Variants in PCDHB13 observed in about 807,000 individuals in gnomAD.
The protein encoded by PCDHB13 is protocadherin beta 13, also known as protocadherin beta-13.
For synonymous variants in PCDHB13, 515 were observed against 450.7 expected, an observed-to-expected ratio of 1.14 and a Z score of -1.81; for missense variants, 1,065 against 1,016.7, an observed-to-expected ratio of 1.05 and a Z score of -0.65.
chr5:141,214,783 T>C lies in PCDHB13; in HGVS notation c.660T>C (p.Ser220=). The C allele has an allele frequency of 2.5e-6, 4 of 1,614,200 alleles. No individual in the cohort carries two copies. Among genetic ancestry groups the C allele is most frequent in the Non-Finnish European group, 3.4e-6 (4 of 1,180,030 alleles). Residue 220 remains serine, a synonymous_variant, in exon 1 of 1, where the codon TCT becomes TCC. Coordinates refer to ENST00000341948, the MANE Select transcript of PCDHB13 (RefSeq NM_018933.4). The part of the protein sequence containing the change: ...RLTLTALDGG[S]PPRSGTAQVY... The stretch of plus-strand genomic sequence containing the variant: ...CACTCACAGCACTGGATGGTGGCTC[T>C]CCGCCCAGATCTGGCACTGCTCAGG...
At position 141,215,124 on chromosome 5, in the gene PCDHB13, T is replaced by C; in HGVS notation, c.1001T>C (p.Val334Ala). ...GGAACCTTTTCTGGAAAATGCACCGTTCTGATTCAAGTGATAGATGTGAAC... is the reference window on the plus strand; with the variant it reads ...GGAACCTTTTCTGGAAAATGCACCGCTCTGATTCAAGTGATAGATGTGAAC... The part of the protein sequence containing the change: ...DAGTFSGKCT[V>A]LIQVIDVNDH... Residue 334 changes from valine to alanine, a missense_variant, in exon 1 of 1, where the codon GTT becomes GCT. Coordinates refer to ENST00000341948, the MANE Select transcript of PCDHB13 (RefSeq NM_018933.4). 1 of 1,614,136 alleles carries C rather than the reference T, an allele frequency of 6.2e-7. No homozygotes were observed. The highest frequency in any genetic ancestry group is 8.5e-7 in the Non-Finnish European group (1 of 1,180,034).
At position 141,216,509 on chromosome 5, in the gene PCDHB13, A is replaced by G. The variant is rs782778290; in HGVS notation, c.2386A>G (p.Asn796Asp). The G allele has an allele frequency of 1.2e-6, 2 of 1,611,850 alleles. No individual in the cohort carries two copies. Among genetic ancestry groups the G allele is most frequent in the Non-Finnish European group, 1.7e-6 (2 of 1,178,200 alleles). ...TACCTTCCCCAATAACTTTGGGTTCAATATTCAGTGACCATAGTTGACTTT... is the reference window on the plus strand; with the variant it reads ...TACCTTCCCCAATAACTTTGGGTTCGATATTCAGTGACCATAGTTGACTTT... Reference protein sequence around the residue: ...NSTFPNNFGFNIQ With the variant: ...NSTFPNNFGFDIQ Residue 796 changes from asparagine to aspartate, a missense_variant, in exon 1 of 1, where the codon AAT becomes GAT. Asn to Asp is a conservative substitution (Grantham distance 23). Transcript: ENST00000341948.
rs1554287810 is a variant in PCDHB13 at position 141,215,173 on chromosome 5, G to A, written c.1050G>A (p.Met350Ile). 6.2e-7 allele frequency: 1 copy of A among 1,614,046 alleles called. No individual in the cohort carries two copies. The highest frequency in any genetic ancestry group is 8.5e-7 in the Non-Finnish European group (1 of 1,180,046). The change falls in exon 1 of 1, where the codon ATG becomes ATA. Residue 350 changes from methionine (M) to isoleucine (I), a missense_variant. Met to Ile is a conservative substitution (Grantham distance 10, BLOSUM62 1). Transcript: ENST00000341948. Reference sequence around the variant, plus strand: ...ACGACCATGCCCCAGAAGTTACCATGTCTGCATTTACCAGCCCAATACCTG... The same window carrying A: ...ACGACCATGCCCCAGAAGTTACCATATCTGCATTTACCAGCCCAATACCTG... Reference protein sequence around the residue: ...DVNDHAPEVTMSAFTSPIPEN... With the variant: ...DVNDHAPEVTISAFTSPIPEN...
In PCDHB13 at chr5:141,215,418, T is replaced by G. The variant is rs1554287899; in HGVS notation, c.1295T>G (p.Ile432Arg). 6.2e-7 allele frequency: 1 copy of G among 1,614,202 alleles called. No individual in the cohort carries two copies. The change falls in exon 1 of 1, where the codon ATA (isoleucine) becomes AGA (arginine). Residue 432 changes from isoleucine (I) to arginine (R), a missense_variant. Ile to Arg is a moderately conservative substitution (Grantham distance 97). Coordinates refer to ENST00000341948, the MANE Select transcript of PCDHB13 (RefSeq NM_018933.4). ...TVTDLGTPML[I>R]TQLNMTVLIA... is the part of the protein sequence containing the mutation. ...ACTGACTTGGGGACCCCTATGCTGA[T>G]AACACAGCTCAATATGACCGTGCTG...
Position 141,217,458 on chromosome 5 carries a change from A to T in PCDHB13, c.*938A>T, listed in dbSNP as rs1554288316. The T allele has an allele frequency of 6.0e-6, 1 of 167,042 alleles. No individual in the cohort carries two copies. Among genetic ancestry groups the T allele is most frequent in the African/African-American group, 2.4e-5 (1 of 41,394 alleles). 10.3% of individuals were successfully genotyped at this position (167,042 alleles called of 1,614,324 possible). Reference sequence around the variant, plus strand: ...TATGACATAATTTGAAATTACCTATATATTTCATTCTATTCAATTTTCAAA... The same window carrying T: ...TATGACATAATTTGAAATTACCTATTTATTTCATTCTATTCAATTTTCAAA... On this transcript the variant is annotated 3_prime_UTR_variant, in exon 1 of 1. Transcript: ENST00000341948.
rs1231650735 is a variant in PCDHB13, at chr5:141,215,599, G to C, written c.1476G>C (p.Pro492=). Reference sequence around the variant, plus strand: ...CCCAGGTCACCTACTCGCTGCTGCCGCCCCAGGACCCGCACCTGCCCCTCA... The same window carrying C: ...CCCAGGTCACCTACTCGCTGCTGCCCCCCCAGGACCCGCACCTGCCCCTCA... ...TNAQVTYSLL[P]PQDPHLPLTS... The change falls in exon 1 of 1, where the codon CCG becomes CCC. Residue 492 remains proline, a synonymous_variant. Transcript: ENST00000341948. The C allele has an allele frequency of 1.2e-6, 2 of 1,612,132 alleles. No individual in the cohort carries two copies. The highest frequency in any genetic ancestry group is 2.7e-5 in the African/African-American group (2 of 74,898).
chr5:141,214,879 C>T lies in PCDHB13; in HGVS notation c.756C>T (p.Ile252=), dbSNP rs782791707. The change falls in exon 1 of 1, where the codon ATC becomes ATT. Residue 252 remains isoleucine, a synonymous_variant. Transcript: ENST00000341948. ...EFEQPFYRVQ[I]SEDSPVGFLV... is the part of the protein sequence containing the mutation. The stretch of plus-strand genomic sequence containing the variant: ...AGCAGCCTTTCTATAGAGTGCAGAT[C>T]TCTGAGGACAGTCCGGTAGGCTTCC... 3 of 1,614,200 alleles carry T rather than the reference C, an allele frequency of 1.9e-6. No individual in the cohort carries two copies. Among genetic ancestry groups the T allele is most frequent in the Non-Finnish European group, 2.5e-6 (3 of 1,180,024 alleles).
In PCDHB13 at chr5:141,216,994, A is replaced by G. The variant is rs1301447726; in HGVS notation, c.*474A>G. ...CCTTTAAATATGCTTTTTGCTTTCA[A>G]AAATAAACCAGAAAACCTATATCCT... On this transcript the variant is annotated 3_prime_UTR_variant, in exon 1 of 1. Transcript: ENST00000341948. 4.0e-6 allele frequency: 1 copy of G among 251,482 alleles called. No individual in the cohort carries two copies. Among genetic ancestry groups the G allele is most frequent in the African/African-American group, 2.4e-5 (1 of 42,068 alleles). 15.6% of individuals were successfully genotyped at this position (251,482 alleles called of 1,614,324 possible). A position where few individuals can be genotyped will look rare whatever the true frequency, so the allele number is the denominator to read the frequency against.
Position 141,216,284 on chromosome 5 carries a change from T to C in PCDHB13, c.2161T>C (p.Ser721Pro). Residue 721 changes from serine to proline, a missense_variant, in exon 1 of 1, where the codon TCG (serine) becomes CCG (proline). By Grantham distance (74) the Ser-to-Pro change is moderately conservative. Coordinates refer to ENST00000341948, the MANE Select transcript of PCDHB13 (RefSeq NM_018933.4). Reference sequence around the variant, plus strand: ...GCTGTGTAGGAGGAGCAGGGCGGCCTCGGTGGGTCGCTGCTTGGTGCCCGA... The same window carrying C: ...GCTGTGTAGGAGGAGCAGGGCGGCCCCGGTGGGTCGCTGCTTGGTGCCCGA... Reference protein sequence around the residue: ...VRLCRRSRAASVGRCLVPEGP... With the variant: ...VRLCRRSRAAPVGRCLVPEGP... 6.2e-7 allele frequency: 1 copy of C among 1,613,980 alleles called. No homozygotes were observed. Among genetic ancestry groups the C allele is most frequent in the Non-Finnish European group, 8.5e-7 (1 of 1,180,028 alleles).
chr5:141,215,017 G>T lies in PCDHB13; in HGVS notation c.894G>T (p.Leu298Phe). ...EIGKTFKINP[L>F]TGEIELKKQL... ...GCAAAACCTTTAAGATCAATCCCTTGACAGGAGAAATTGAACTAAAAAAAC... is the reference window on the plus strand; with the variant it reads ...GCAAAACCTTTAAGATCAATCCCTTTACAGGAGAAATTGAACTAAAAAAAC... Residue 298 changes from leucine to phenylalanine, a missense_variant, in exon 1 of 1, where the codon TTG becomes TTT. Transcript: ENST00000341948. 1 of 1,614,104 alleles carries T rather than the reference G, an allele frequency of 6.2e-7. No individual in the cohort carries two copies. The highest frequency in any genetic ancestry group is 8.5e-7 in the Non-Finnish European group (1 of 1,180,028).
In PCDHB13 at chr5:141,214,950, G is replaced by A. The variant is rs1485024330; in HGVS notation, c.827G>A (p.Gly276Glu). The change falls in exon 1 of 1, where the codon GGA (glycine) becomes GAA (glutamate). Residue 276 changes from glycine to glutamate, a missense_variant. Coordinates refer to ENST00000341948, the MANE Select transcript of PCDHB13 (RefSeq NM_018933.4). ...SATDVDTGVNGEISYSLFQAS... is the reference protein window; with the variant it reads ...SATDVDTGVNEEISYSLFQAS... ...ACGGATGTAGACACAGGAGTCAACG[G>A]AGAGATTTCCTATTCACTTTTCCAA... The A allele has an allele frequency of 1.9e-6, 3 of 1,614,034 alleles. No homozygotes were observed. Among genetic ancestry groups the A allele is most frequent in the South Asian group, 1.1e-5 (1 of 91,084 alleles).
chr5:141,215,994 T>G lies in PCDHB13; in HGVS notation c.1871T>G (p.Val624Gly), dbSNP rs781939196. The G allele has an allele frequency of 7.2e-5, 115 of 1,606,810 alleles. 1 individual carries two copies. Among genetic ancestry groups the G allele is most frequent in the South Asian group, 2.4e-4 (22 of 90,924 alleles). ...GGCGTGTGGGCGCACAATGGCGAGG[T>G]GCGCACCGCCAGGCTGCTGAGCGAG... The part of the protein sequence containing the change: ...LFGVWAHNGE[V>G]RTARLLSERD... Residue 624 changes from valine to glycine, a missense_variant, in exon 1 of 1, where the codon GTG becomes GGG. Physicochemically the swap from Val to Gly is moderately radical, Grantham distance 109 (BLOSUM62 -3). Transcript: ENST00000341948.
chr5:141,214,704 A>G lies in PCDHB13; in HGVS notation c.581A>G (p.Glu194Gly). ...CGCAGTGATGGCAGGAAATACCCAG[A>G]GCTGGTGCTGGACAAAGCGCTGGAC... ...RKRSDGRKYP[E>G]LVLDKALDRE... Residue 194 changes from glutamate (E) to glycine (G), a missense_variant, in exon 1 of 1, where the codon GAG becomes GGG. Transcript: ENST00000341948. 6.2e-7 allele frequency: 1 copy of G among 1,614,100 alleles called. No individual in the cohort carries two copies. The highest frequency in any genetic ancestry group is 8.5e-7 in the Non-Finnish European group (1 of 1,179,980).
In PCDHB13 at chr5:141,214,371, C is replaced by T. The variant is rs781880624; in HGVS notation, c.248C>T (p.Ala83Val). The change falls in exon 1 of 1, where the codon GCG becomes GTG. Residue 83 changes from alanine to valine, a missense_variant. By Grantham distance (64) the Ala-to-Val change is moderately conservative. Transcript: ENST00000341948. The part of the protein sequence containing the change: ...KLHLQLNQET[A>V]DLLLNEKLDR... ...CATTTGCAGCTCAATCAGGAGACCG[C>T]GGATTTGTTGCTAAATGAGAAATTG... 4.3e-6 allele frequency: 6 copies of T among 1,390,984 alleles called. No homozygotes were observed. Among genetic ancestry groups the T allele is most frequent in the South Asian group, 3.6e-5 (3 of 84,204 alleles). 86.2% of individuals were successfully genotyped at this position (1,390,984 alleles called of 1,614,324 possible).
Position 141,216,616 on chromosome 5 carries a change from G to A in PCDHB13, c.*96G>A. On this transcript the variant is annotated 3_prime_UTR_variant, in exon 1 of 1. Coordinates refer to ENST00000341948, the MANE Select transcript of PCDHB13 (RefSeq NM_018933.4). Reference sequence around the variant, plus strand: ...AATTTGTGTGTATGTAATATTGTACGGATTTACTCTTGATTTTTCTCATGT... The same window carrying A: ...AATTTGTGTGTATGTAATATTGTACAGATTTACTCTTGATTTTTCTCATGT... The A allele has an allele frequency of 9.5e-7, 1 of 1,050,352 alleles. No individual in the cohort carries two copies. Among genetic ancestry groups the A allele is most frequent in the Non-Finnish European group, 1.5e-6 (1 of 665,858 alleles). 65.1% of individuals were successfully genotyped at this position (1,050,352 alleles called of 1,614,324 possible).
rs2910331 is a variant in PCDHB13 at position 141,215,803 on chromosome 5, C to T, written c.1680C>T (p.Phe560=). ...TGGACGCCAACGACAACTCGCCCTT[C>T]GTGCTGTACCCGCTGCAGAACGGCT... The part of the protein sequence containing the change: ...VVLDANDNSP[F]VLYPLQNGSA... The change falls in exon 1 of 1, where the codon TTC becomes TTT. Residue 560 remains phenylalanine, a synonymous_variant. Transcript: ENST00000341948. 295,788 of 1,611,188 alleles carry T rather than the reference C, an allele frequency of 0.18. 28,072 individuals carry two copies. Among genetic ancestry groups the T allele is most frequent in the African/African-American group, 0.26 (19,321 of 74,900 alleles).
At position 141,215,054 on chromosome 5, in the gene PCDHB13, G is replaced by A. The variant is rs200189405; in HGVS notation, c.931G>A (p.Glu311Lys). Residue 311 changes from glutamate to lysine, a missense_variant, in exon 1 of 1, where the codon GAA (glutamate) becomes AAA (lysine). Coordinates refer to ENST00000341948, the MANE Select transcript of PCDHB13 (RefSeq NM_018933.4). ...TGAACTAAAAAAACAACTCGATTTC[G>A]AAAAACTTCAGTCCTATGAAGTCAA... ...EIELKKQLDF[E>K]KLQSYEVNIE... 1.2e-6 allele frequency: 2 copies of A among 1,613,954 alleles called. No homozygotes were observed. Among genetic ancestry groups the A allele is most frequent in the Admixed American group, 1.7e-5 (1 of 59,996 alleles).
At position 141,215,205 on chromosome 5, in the gene PCDHB13, C is replaced by G. The variant is rs148992616; in HGVS notation, c.1082C>G (p.Ala361Gly). The change falls in exon 1 of 1, where the codon GCG (alanine) becomes GGG (glycine). Residue 361 changes from alanine to glycine, a missense_variant. Ala to Gly is a moderately conservative substitution (Grantham distance 60). Coordinates refer to ENST00000341948, the MANE Select transcript of PCDHB13 (RefSeq NM_018933.4). ...SAFTSPIPEN[A>G]PETVVALFSV... ...TTTACCAGCCCAATACCTGAGAACGCGCCTGAAACTGTGGTTGCACTTTTC... is the reference window on the plus strand; with the variant it reads ...TTTACCAGCCCAATACCTGAGAACGGGCCTGAAACTGTGGTTGCACTTTTC... 3.8e-5 allele frequency: 61 copies of G among 1,614,000 alleles called. No individual in the cohort carries two copies. The highest frequency in any genetic ancestry group is 5.0e-5 in the Non-Finnish European group (59 of 1,180,038).
Position 141,214,680 on chromosome 5 carries a change from G to T in PCDHB13, c.557G>T (p.Arg186Leu), listed in dbSNP as rs536260978. The change falls in exon 1 of 1, where the codon CGC becomes CTC. Residue 186 changes from arginine to leucine, a missense_variant. Physicochemically the swap from Arg to Leu is moderately radical, Grantham distance 102 (BLOSUM62 -2). Transcript: ENST00000341948. ...NSYFRVLTRK[R>L]SDGRKYPELV... ...TATTTTCGGGTCCTCACCCGCAAAC[G>T]CAGTGATGGCAGGAAATACCCAGAG... 1 of 1,613,902 alleles carries T rather than the reference G, an allele frequency of 6.2e-7. No individual in the cohort carries two copies. The highest frequency in any genetic ancestry group is 1.1e-5 in the South Asian group (1 of 91,066).
Sources: gnomAD v4.1 joint callset for allele counts on GRCh38, gnomAD v4.1.1 for gene constraint, MANE v1.5 for transcripts, NCBI Gene and HGNC (gene_info 2026-07-23, HGNC 2026-07-21) for gene names.